Variants in SNRPD3 observed in about 807,000 individuals in gnomAD.
The protein encoded by SNRPD3 is small nuclear ribonucleoprotein D3 polypeptide.
For missense variants in SNRPD3, 73 were observed against 167.5 expected (o/e 0.44, Z 3.11); for synonymous variants, 66 against 58.4 (o/e 1.13, Z -0.59).
chr22:24,557,771 A>G lies in SNRPD3; in HGVS notation c.97A>G (p.Ile33Val). 6.2e-7 allele frequency: 1 copy of G among 1,610,206 alleles called. No homozygotes were observed. Among genetic ancestry groups the G allele is most frequent in the Non-Finnish European group, 8.5e-7 (1 of 1,178,532 alleles). Residue 33 changes from isoleucine to valine, a missense_variant, in exon 2 of 4, where the codon ATT (isoleucine) becomes GTT (valine). Ile to Val is a conservative substitution (Grantham distance 29). Coordinates refer to ENST00000215829, the MANE Select transcript of SNRPD3 (RefSeq NM_004175.5). ...NTGEVYRGKL[I>V]EAEDNMNCQM... is the part of the protein sequence containing the mutation. Reference sequence around the variant, plus strand: ...CGGTGAGGTATATCGGGGGAAGCTCATTGAAGCAGAGGACAACATGAACTG... The same window carrying G: ...CGGTGAGGTATATCGGGGGAAGCTCGTTGAAGCAGAGGACAACATGAACTG...
chr22:24,561,064 CTTTTT>C (rs1164120857), intron 2 of SNRPD3, among the ~76,000 whole-genome samples: 43 of 61,688 alleles, frequency 7.0e-4, no homozygotes, highest in Middle Eastern at 0.012. Flanking sequence ...TTTTTCTTTT[CTTTTT>C]TTTTTTTTTT....
At chr22:24,561,677 T>C (rs1011047372) in intron 2 of SNRPD3, among the ~76,000 whole-genome samples, 3 of 152,190 alleles carry the variant, frequency 2.0e-5, no homozygotes, top group Non-Finnish European at 2.9e-5. Context: ...CTTAGCACTT[T>C]TCCTTGCTTG....
intron 2 of SNRPD3, 99 bp downstream of exon 2, chr22:24,557,899 C>A: frequency 7.9e-7 from 1 of 1,267,648 alleles, no homozygotes; most frequent in Non-Finnish European, 1.1e-6. Flanking sequence ...TGTTCTCATT[C>A]AGCAGTGATT....
At chr22:24,561,837 T>TA (rs962500658) in intron 2 of SNRPD3, among the ~76,000 whole-genome samples, 30 of 151,850 alleles carry the variant, frequency 2.0e-4, no homozygotes, top group South Asian at 1.0e-3. Flanking sequence ...ACTTTGTCTG[T>TA]AAAAAAAATA....
rs564549055 is a variant in SNRPD3, at chr22:24,573,802, G to C, written c.*1825G>C. Among the ~76,000 whole-genome samples, 3 of 152,290 alleles carry C rather than the reference G, an allele frequency of 2.0e-5. No individual in the cohort carries two copies. Among genetic ancestry groups the C allele is most frequent in the Non-Finnish European group, 4.4e-5 (3 of 68,024 alleles). On this transcript the variant is annotated 3_prime_UTR_variant, in exon 4 of 4. Transcript: ENST00000215829. ...AGGTTGAGGCAGGACGACCACATGA[G>C]CCCAGGAGATTAAGGCTGCAGTGAG...
At chr22:24,555,821 G>A (rs767090231), upstream of SNRPD3, 7 of 1,546,296 alleles carry the variant, frequency 4.5e-6, no homozygotes, top group Admixed American at 1.4e-4. Context: ...CCCGGGCCCA[G>A]TCATCAGCCC....
chr22:24,572,017 G>A lies in SNRPD3; in HGVS notation c.*40G>A. ...CAGAACTTTGTCCTTTTTTCTTTCA[G>A]GTTATCTGAGTTCATTGGAGTGGGT... On this transcript the variant is annotated 3_prime_UTR_variant, in exon 4 of 4. Coordinates refer to ENST00000215829, the MANE Select transcript of SNRPD3 (RefSeq NM_004175.5). The A allele has an allele frequency of 1.2e-6, 2 of 1,611,644 alleles. No homozygotes were observed. Among genetic ancestry groups the A allele is most frequent in the Non-Finnish European group, 1.7e-6 (2 of 1,178,590 alleles).
chr22:24,557,572 G>T (rs751203071), intron 1 of SNRPD3, 85 bp from the exon 2 acceptor site: 151 of 921,190 alleles, frequency 1.6e-4, no homozygotes, highest in Non-Finnish European at 2.4e-4. Flanking sequence ...TTTATGGAGT[G>T]CCAGGCCTTA....
intron 2 of SNRPD3, among the ~76,000 whole-genome samples, chr22:24,567,445 A>C (rs1482218326): frequency 6.6e-6 from 1 of 152,106 alleles, no homozygotes; most frequent in East Asian, 1.9e-4. Flanking sequence ...TTTTTTTAAC[A>C]TGTAAAGATG....
chr22:24,572,174 GT>G lies in SNRPD3; in HGVS notation c.*199del. ...TTCTTTGAGAAAATAAGGACTTTGT[GT>G]TCATTTGAAGTTTGCTTTGGCTAAA... On this transcript the variant is annotated 3_prime_UTR_variant, in exon 4 of 4. Coordinates refer to ENST00000215829, the MANE Select transcript of SNRPD3 (RefSeq NM_004175.5). 1 of 1,135,756 alleles carries G rather than the reference GT, an allele frequency of 8.8e-7. No homozygotes were observed. 70.4% of individuals were successfully genotyped at this position (1,135,756 alleles called of 1,614,324 possible).
chr22:24,557,748 G>A lies in SNRPD3; in HGVS notation c.74G>A (p.Gly25Asp). The stretch of plus-strand genomic sequence containing the variant: ...ATTGTGACATGTGAGACGAACACCG[G>A]TGAGGTATATCGGGGGAAGCTCATT... ...GHIVTCETNT[G>D]EVYRGKLIEA... Residue 25 changes from glycine to aspartate, a missense_variant, in exon 2 of 4, where the codon GGT becomes GAT. Gly to Asp is a moderately conservative substitution (Grantham distance 94). Coordinates refer to ENST00000215829, the MANE Select transcript of SNRPD3 (RefSeq NM_004175.5). The A allele has an allele frequency of 6.2e-7, 1 of 1,612,346 alleles. No homozygotes were observed. The highest frequency in any genetic ancestry group is 8.5e-7 in the Non-Finnish European group (1 of 1,179,204).
upstream of SNRPD3, chr22:24,555,732 C>T (rs1423147578): frequency 2.6e-6 from 4 of 1,550,574 alleles, no homozygotes; most frequent in Non-Finnish European, 3.5e-6. Flanking sequence ...GCCGTCCAGC[C>T]TGTCCTTGGT....
At chr22:24,564,062 C>T (rs2045173049) in intron 2 of SNRPD3, among the ~76,000 whole-genome samples, 1 of 152,042 alleles carries the variant, frequency 6.6e-6, no homozygotes, top group South Asian at 2.1e-4. Flanking sequence ...TTGCATTCAT[C>T]ATGCTCCTCT....
intron 3 of SNRPD3, among the ~76,000 whole-genome samples, chr22:24,570,068 G>T (rs931276285): frequency 3.9e-5 from 6 of 152,244 alleles, no homozygotes; most frequent in Non-Finnish European, 8.8e-5. Flanking sequence ...GACAAAATGG[G>T]TGTGATCTAA....
chr22:24,560,119 C>CCTTGCTCTGTAACCCAGGCTGCAGT (rs2045119437), intron 2 of SNRPD3, among the ~76,000 whole-genome samples: 1 of 100,266 alleles, frequency 1.0e-5, no homozygotes. Context: ...TGAGATGGAG[C>CCTTGCTCTGTAACCCAGGCTGCAGT]CTTGCTCTGT....
At position 24,571,935 on chromosome 22, in the gene SNRPD3, A is replaced by G. The variant is rs1022844338; in HGVS notation, c.339A>G (p.Gly113=). ...TTTCAGTGGCCGCAAGAGGAAGAGG[A>G]CGTGGAATGGGACGTGGAAACATCT... ...LKAQVAARGR[G]RGMGRGNIFQ... The change falls in exon 4 of 4, where the codon GGA becomes GGG. Residue 113 remains glycine, a synonymous_variant. Transcript: ENST00000215829. 1.2e-6 allele frequency: 2 copies of G among 1,614,088 alleles called. No homozygotes were observed. The highest frequency in any genetic ancestry group is 1.7e-6 in the Non-Finnish European group (2 of 1,179,978).
In SNRPD3 at chr22:24,573,575, G is replaced by A. The variant is rs575020922; in HGVS notation, c.*1598G>A. 1.3e-5 allele frequency among the ~76,000 whole-genome samples: 2 copies of A among 152,254 alleles called. No individual in the cohort carries two copies. The highest frequency in any genetic ancestry group is 2.1e-4 in the South Asian group (1 of 4,822). On this transcript the variant is annotated 3_prime_UTR_variant, in exon 4 of 4. Coordinates refer to ENST00000215829, the MANE Select transcript of SNRPD3 (RefSeq NM_004175.5). ...AGTGAGTTGGTCAGATACAATAGACGTTTAAAATAGGGCTTCAGGCCAAAC... is the reference window on the plus strand; with the variant it reads ...AGTGAGTTGGTCAGATACAATAGACATTTAAAATAGGGCTTCAGGCCAAAC...
At chr22:24,568,745 C>T (rs2045220611) in intron 3 of SNRPD3, among the ~76,000 whole-genome samples, 1 of 145,546 alleles carries the variant, frequency 6.9e-6, no homozygotes, top group Non-Finnish European at 1.6e-5. Flanking sequence ...TTAGTAGAAA[C>T]GGGGTTTCAC....
At position 24,565,662 on chromosome 22, in the gene SNRPD3, TTTG is replaced by T. The variant is rs1172729897; in HGVS notation, c.127-2319_127-2317del. Among the ~76,000 whole-genome samples the T allele has an allele frequency of 9.2e-5, 14 of 152,016 alleles. No homozygotes were observed. The East Asian group carries it at 2.5e-3, about 27-fold the overall frequency. On this transcript the variant is annotated intron_variant, in intron 2 of 3. Transcript: ENST00000215829. ...CAAAACACGTTTTTTGTTTGTTTGG[TTTG>T]TTTTTTGTTTTTTGAGACGGCGTCT...
Sources: allele counts gnomAD v4.1 joint callset (sites outside exome capture counted in the v4.1 genomes callset), GRCh38; gene constraint gnomAD v4.1.1; transcripts MANE v1.5; gene names NCBI Gene and HGNC (gene_info 2026-07-23, HGNC 2026-07-21).